CDH18: variants seen among roughly 807,000 people sequenced by gnomAD.
CDH18 encodes the protein cadherin-18.
In CDH18, 31 loss-of-function variants were observed where a neutral mutation model predicts 67.9. That is an observed-to-expected ratio of 0.46 (90% confidence interval 0.34 to 0.62). The LOEUF is 0.62. Among genes scored for constraint, CDH18 ranks in the 20% least tolerant of loss-of-function variants. The pLI is 0.01. For synonymous variants in CDH18, 362 were observed against 347.2 expected, an observed-to-expected ratio of 1.04 and a Z score of -0.48; for missense variants, 890 against 975.5, an observed-to-expected ratio of 0.91 and a Z score of 1.17.
At chr5:19,569,258 C>T (rs1036880876) in intron 8 of CDH18, among the ~76,000 whole-genome samples, 1 of 152,174 alleles carries the variant, frequency 6.6e-6, no homozygotes, top group African/African-American at 2.4e-5. Flanking sequence ...CCAAGCTCCT[C>T]ATGTACAGCA....
intron 2 of CDH18, among the ~76,000 whole-genome samples, chr5:20,206,312 C>A (rs745600735): frequency 6.6e-6 from 1 of 151,628 alleles, no homozygotes; most frequent in Non-Finnish European, 1.5e-5. Flanking sequence ...CTTAACAAAG[C>A]AAAAATGAGT....
intron 3 of CDH18, among the ~76,000 whole-genome samples, chr5:19,788,282 A>G (rs892891740): frequency 1.3e-5 from 2 of 152,204 alleles, no homozygotes; most frequent in African/African-American, 2.4e-5. Context: ...AATGATGGAG[A>G]TAACTTGAAA....
At chr5:20,039,375 G>A (rs1272185118) in intron 2 of CDH18, among the ~76,000 whole-genome samples, 1 of 152,044 alleles carries the variant, frequency 6.6e-6, no homozygotes, top group Non-Finnish European at 1.5e-5. Context: ...CCAAAAAAGA[G>A]CCCATGTAGT....
At chr5:19,548,770 T>A (rs916448551) in intron 8 of CDH18, among the ~76,000 whole-genome samples, 3 of 145,432 alleles carry the variant, frequency 2.1e-5, no homozygotes, top group Non-Finnish European at 3.0e-5. Context: ...TTTTTTTTTT[T>A]ATGAAGTGTC....
At chr5:19,768,418 G>A (rs1413157813) in intron 3 of CDH18, among the ~76,000 whole-genome samples, 3 of 152,066 alleles carry the variant, frequency 2.0e-5, no homozygotes, top group Non-Finnish European at 4.4e-5. Flanking sequence ...GCAAATATCT[G>A]GAGAAGTAAT....
chr5:19,489,801 C>T (rs1458521516), intron 11 of CDH18, among the ~76,000 whole-genome samples: 2 of 152,044 alleles, frequency 1.3e-5, no homozygotes, highest in Non-Finnish European at 1.5e-5. Flanking sequence ...CTATGTGATT[C>T]TTGAAGAATA....
chr5:20,486,217 T>C lies in CDH18; in HGVS notation c.-580+89245A>G, dbSNP rs187822106. The stretch of plus-strand genomic sequence containing the variant: ...AGGACTTCAAAATTGAAGTTTTGAG[T>C]CATTTCATTAAGTCGAAAATATTGA... On this transcript the variant is annotated intron_variant, in intron 1 of 14. Coordinates refer to the CDH18 transcript ENST00000507958. Among the ~76,000 whole-genome samples the C allele has an allele frequency of 2.6e-5, 4 of 152,230 alleles. No homozygotes were observed. In the East Asian group the frequency reaches 5.8e-4, roughly 22 times the overall value.
At chr5:20,549,519 C>T (rs993497750) in intron 1 of CDH18, among the ~76,000 whole-genome samples, 1 of 151,954 alleles carries the variant, frequency 6.6e-6, no homozygotes, top group Non-Finnish European at 1.5e-5. Flanking sequence ...GAAAGCACGG[C>T]CGAAATAACA....
At chr5:20,409,625 C>A (rs2150141565) in intron 1 of CDH18, among the ~76,000 whole-genome samples, 1 of 150,598 alleles carries the variant, frequency 6.6e-6, no homozygotes, top group African/African-American at 2.4e-5. Flanking sequence ...AGAACAAAGC[C>A]CAAAGTTAGC....
chr5:20,418,121 G>T (rs908464776), intron 1 of CDH18, among the ~76,000 whole-genome samples: 1 of 151,822 alleles, frequency 6.6e-6, no homozygotes, highest in East Asian at 1.9e-4. Context: ...GTCGGCCGGG[G>T]CTGGAGTGCA....
intron 2 of CDH18, among the ~76,000 whole-genome samples, chr5:19,842,648 G>C (rs1023939152): frequency 6.6e-6 from 1 of 152,124 alleles, no homozygotes; most frequent in African/African-American, 2.4e-5. Context: ...GTGGGGTGCT[G>C]TTATAAAGAT....
At chr5:20,454,819 T>C (rs1750721271) in intron 1 of CDH18, among the ~76,000 whole-genome samples, 1 of 152,046 alleles carries the variant, frequency 6.6e-6, no homozygotes, top group South Asian at 2.1e-4. Context: ...TGTTAATGAA[T>C]AGATACATTG....
At chr5:20,526,412 G>T (rs1315117056) in intron 1 of CDH18, among the ~76,000 whole-genome samples, 1 of 152,122 alleles carries the variant, frequency 6.6e-6, no homozygotes, top group Non-Finnish European at 1.5e-5. Context: ...CTAAGGAGCA[G>T]CCAGACTCCA....
chr5:19,819,970 T>C (rs1779693788), intron 3 of CDH18, among the ~76,000 whole-genome samples: 1 of 152,164 alleles, frequency 6.6e-6, no homozygotes, highest in Admixed American at 6.5e-5. Context: ...TGAGAGCAGT[T>C]TGCCCCTCCC....
At position 19,520,638 on chromosome 5, in the gene CDH18, A is replaced by G; in HGVS notation, c.1512+19T>C. 6.2e-7 allele frequency: 1 copy of G among 1,600,080 alleles called. No homozygotes were observed. The highest frequency in any genetic ancestry group is 1.1e-5 in the South Asian group (1 of 88,388). ...CATTTATTCCATTCAAATGAGGAGGAAGGAAACAATTAACTTACCTGGCCA... is the reference window on the plus strand; with the variant it reads ...CATTTATTCCATTCAAATGAGGAGGGAGGAAACAATTAACTTACCTGGCCA... On this transcript the variant is annotated intron_variant, in intron 10 of 12. Transcript: ENST00000382275.
At chr5:20,323,073 A>G (rs1738192595) in intron 1 of CDH18, among the ~76,000 whole-genome samples, 1 of 152,190 alleles carries the variant, frequency 6.6e-6, no homozygotes, top group African/African-American at 2.4e-5. Flanking sequence ...TTCAGTTGTG[A>G]ACACATTCTT....
chr5:20,513,834 C>A (rs575529572), intron 1 of CDH18, among the ~76,000 whole-genome samples: 2 of 152,070 alleles, frequency 1.3e-5, no homozygotes, highest in Non-Finnish European at 2.9e-5. Context: ...ATCGCATGAC[C>A]ATTTCTATCT....
chr5:20,096,128 CAG>C (rs1194135765), intron 2 of CDH18, among the ~76,000 whole-genome samples: 1 of 152,054 alleles, frequency 6.6e-6, no homozygotes, highest in Non-Finnish European at 1.5e-5. Flanking sequence ...TCAAGAACAT[CAG>C]GTCAACCAGC....
intron 1 of CDH18, among the ~76,000 whole-genome samples, chr5:19,987,748 T>C (rs80139246): frequency 0.014 from 2,203 of 152,286 alleles, 69 homozygotes; most frequent in African/African-American, 0.05. Context: ...GATGCCATCA[T>C]TATTGCAATG....
Sources: gnomAD v4.1 joint callset for allele counts (sites outside exome capture counted in the v4.1 genomes callset) on GRCh38, gnomAD v4.1.1 for gene constraint, MANE v1.5 for transcripts, NCBI Gene and HGNC (gene_info 2026-07-23, HGNC 2026-07-21) for gene names.